Variants in TBXAS1 observed in about 807,000 individuals in gnomAD.
TBXAS1 encodes thromboxane A synthase 1, also known as thromboxane-A synthase.
A neutral mutation model predicts 60.7 loss-of-function variants in TBXAS1; 48 were observed. The ratio of observed to expected loss-of-function variants is 0.79; its 90% confidence interval spans 0.63 to 1.01. The LOEUF (loss-of-function observed/expected upper bound fraction) is 1.01, where lower values mean the gene tolerates loss of function less well. TBXAS1 is among the 50% of genes least tolerant of loss of function. The pLI, the probability that TBXAS1 is intolerant of heterozygous loss-of-function variation, is 0.00. For synonymous variants in TBXAS1, 287 were observed against 269.7 expected (o/e 1.06, Z -0.63); for missense variants, 685 against 686.3 (o/e 1.00, Z 0.02).
At chr7:139,994,383 C>A (rs907951417) in intron 9 of TBXAS1, among the ~76,000 whole-genome samples, 4 of 152,180 alleles carry the variant, frequency 2.6e-5, no homozygotes, top group Non-Finnish European at 1.5e-5. Flanking sequence ...TCTCCCAATG[C>A]CAGCTGAGAG....
chr7:139,808,544 A>G (rs1408291007), intron 4 of TBXAS1, among the ~76,000 whole-genome samples: 1 of 152,092 alleles, frequency 6.6e-6, no homozygotes, highest in Non-Finnish European at 1.5e-5. Context: ...TGCTGGCAAA[A>G]TTCCTGAACA....
chr7:139,873,446 C>T (rs1207437418), intron 2 of TBXAS1, among the ~76,000 whole-genome samples: 1 of 152,160 alleles, frequency 6.6e-6, no homozygotes, highest in Non-Finnish European at 1.5e-5. Flanking sequence ...GCCACGATGG[C>T]TCGGTCTGGT....
intron 4 of TBXAS1, among the ~76,000 whole-genome samples, chr7:139,925,174 TTTTTCTA>T (rs1806789044): frequency 6.6e-6 from 1 of 152,208 alleles, no homozygotes; most frequent in South Asian, 2.1e-4. Flanking sequence ...TTAGGATTGT[TTTTTCTA>T]TTTCTGTGAG....
chr7:139,839,617 T>A (rs1243211418), intron 1 of TBXAS1, among the ~76,000 whole-genome samples: 3 of 146,058 alleles, frequency 2.1e-5, no homozygotes, highest in Admixed American at 6.9e-5. Flanking sequence ...AGTGGGAGGA[T>A]CACTTGAGCC....
chr7:139,781,677 CA>C (rs1353169058), intron 2 of TBXAS1, among the ~76,000 whole-genome samples: 2 of 151,334 alleles, frequency 1.3e-5, no homozygotes, highest in African/African-American at 4.9e-5. Flanking sequence ...ACTAAAAACA[CA>C]AAAAAAATTA....
intron 10 of TBXAS1, among the ~76,000 whole-genome samples, chr7:140,015,227 G>A (rs371157128): frequency 6.6e-6 from 1 of 152,138 alleles, no homozygotes; most frequent in Non-Finnish European, 1.5e-5. Context: ...ACAGGAGGGA[G>A]GGGACAGATG....
At chr7:139,954,830 A>C (rs1183755922) in intron 6 of TBXAS1, among the ~76,000 whole-genome samples, 1 of 152,178 alleles carries the variant, frequency 6.6e-6, no homozygotes, top group Non-Finnish European at 1.5e-5. Flanking sequence ...GTTTTCTGTA[A>C]TAATATACAG....
chr7:139,880,239 C>T (rs1802598418), intron 3 of TBXAS1, among the ~76,000 whole-genome samples: 1 of 152,076 alleles, frequency 6.6e-6, no homozygotes, highest in Admixed American at 6.5e-5. Flanking sequence ...TAGCCTTATC[C>T]CCGTTTCTTC....
Position 140,007,174 on chromosome 7 carries a change from A to G in TBXAS1, c.1218A>G (p.Pro406=), listed in dbSNP as rs1365759996. The change falls in exon 10 of 13, where the codon CCA becomes CCG. Residue 406 remains proline (P), a synonymous_variant. Coordinates refer to ENST00000448866, the MANE Select transcript of TBXAS1 (RefSeq NM_001061.7). ...CAGAGACGCTGAGGATGTACCCGCCAGCTTTCAGGTGTGTGGTAGCCCCCT... is the reference window on the plus strand; with the variant it reads ...CAGAGACGCTGAGGATGTACCCGCCGGCTTTCAGGTGTGTGGTAGCCCCCT... The part of the protein sequence containing the change: ...VIAETLRMYP[P]AFRFTREAAQ... 1 of 1,614,060 alleles carries G rather than the reference A, an allele frequency of 6.2e-7. No homozygotes were observed. The highest frequency in any genetic ancestry group is 8.5e-7 in the Non-Finnish European group (1 of 1,179,990).
chr7:139,995,550 G>A (rs796378770), intron 9 of TBXAS1, among the ~76,000 whole-genome samples: 4 of 152,286 alleles, frequency 2.6e-5, no homozygotes, highest in African/African-American at 9.6e-5. Context: ...GGGGTCTCTC[G>A]TGTGGCTCTC....
chr7:140,005,377 C>T (rs886789880), intron 9 of TBXAS1, among the ~76,000 whole-genome samples: 6 of 151,372 alleles, frequency 4.0e-5, no homozygotes, highest in African/African-American at 2.4e-5. Flanking sequence ...TGCAGTGAGC[C>T]GAGATCACAC....
chr7:139,867,575 C>G (rs940399540), intron 1 of TBXAS1, among the ~76,000 whole-genome samples: 1 of 152,182 alleles, frequency 6.6e-6, no homozygotes, highest in Non-Finnish European at 1.5e-5. Flanking sequence ...AATCCCCACA[C>G]TTTGGAAGGC....
chr7:139,997,857 G>A (rs752559380), intron 9 of TBXAS1, among the ~76,000 whole-genome samples: 11 of 152,248 alleles, frequency 7.2e-5, no homozygotes, highest in African/African-American at 2.4e-4. Flanking sequence ...CTCATGACCC[G>A]GCAGTGCCAT....
chr7:139,908,169 T>C (rs967526757), intron 3 of TBXAS1, among the ~76,000 whole-genome samples: 3 of 152,058 alleles, frequency 2.0e-5, no homozygotes, highest in Non-Finnish European at 4.4e-5. Flanking sequence ...CACTTTTTTT[T>C]TTATTATTTC....
chr7:139,985,153 C>T (rs1435266963), intron 9 of TBXAS1, among the ~76,000 whole-genome samples: 4 of 152,214 alleles, frequency 2.6e-5, no homozygotes, highest in African/African-American at 9.6e-5. Flanking sequence ...CCAGTGTCCT[C>T]CAATTAATTC....
At chr7:139,865,905 G>T (rs1262813431) in intron 1 of TBXAS1, among the ~76,000 whole-genome samples, 3 of 147,146 alleles carry the variant, frequency 2.0e-5, no homozygotes, top group Admixed American at 2.0e-4. Context: ...AGGGAGGGAG[G>T]AAGGAAGGAA....
chr7:139,992,161 G>GCC (rs1303264370), intron 9 of TBXAS1, among the ~76,000 whole-genome samples: 1 of 152,246 alleles, frequency 6.6e-6, no homozygotes, highest in African/African-American at 2.4e-5. Context: ...CCAGCTGGCA[G>GCC]CCCCCCTTCA....
rs148309078 is a variant in TBXAS1 at position 139,893,263 on chromosome 7, G to C, written c.236+17626G>C. The stretch of plus-strand genomic sequence containing the variant: ...CTGTTCTAAGCCCACACATCATTTG[G>C]GGAGAGATGATTTTGCCATGTACTC... On this transcript the variant is annotated intron_variant, in intron 3 of 12. Transcript: ENST00000448866. Among the ~76,000 whole-genome samples the C allele has an allele frequency of 6.4e-4, 96 of 151,092 alleles. 1 individual carries two copies. The East Asian group carries it at 0.017, about 27-fold the overall frequency.
chr7:139,993,122 G>C (rs193261907), intron 9 of TBXAS1, among the ~76,000 whole-genome samples: 16 of 152,308 alleles, frequency 1.1e-4, no homozygotes, highest in African/African-American at 3.6e-4. Flanking sequence ...GCTTGAACCC[G>C]GGAGGCAGAG....
Sources: gnomAD v4.1 joint callset for allele counts (sites outside exome capture counted in the v4.1 genomes callset) on GRCh38, gnomAD v4.1.1 for gene constraint, MANE v1.5 for transcripts, NCBI Gene and HGNC (gene_info 2026-07-23, HGNC 2026-07-21) for gene names.